The following ARID1B variants were observed in gnomAD, a reference collection of about 807,000 sequenced individuals.
ARID1B encodes AT-rich interaction domain 1B, also known as AT-rich interactive domain-containing protein 1B.
ARID1B carries 30 observed loss-of-function variants against 212.3 expected under a neutral mutation model. The ratio of observed to expected loss-of-function variants is 0.14; its 90% CI spans 0.11 to 0.19. The LOEUF is 0.19. Among genes scored for constraint, ARID1B ranks in the 10% least tolerant of loss-of-function variants. The pLI is 1.00. For synonymous variants in ARID1B, 1,402 were observed against 1,301.7 expected (o/e 1.08, Z -1.66); for missense variants, 2,891 against 3,204.0 (o/e 0.90, Z 2.36).
intron 1 of ARID1B, among the ~76,000 whole-genome samples, chr6:156,780,926 C>G (rs1017612405): frequency 2.0e-5 from 3 of 152,200 alleles, no homozygotes; most frequent in African/African-American, 7.2e-5. Flanking sequence ...AAAGTCTTCC[C>G]TTTACAAATT....
At chr6:156,822,287 TAATA>T (rs1782405693) in intron 1 of ARID1B, among the ~76,000 whole-genome samples, 1 of 152,252 alleles carries the variant, frequency 6.6e-6, no homozygotes, top group Admixed American at 6.5e-5. Context: ...GTTCAAGTCT[TAATA>T]AGCAGGCAGT....
At chr6:157,116,101 G>A (rs79157863) in intron 6 of ARID1B, among the ~76,000 whole-genome samples, 8,332 of 152,154 alleles carry the variant, frequency 0.055, 349 homozygotes, top group Non-Finnish European at 0.086. Context: ...AATAGGAAAC[G>A]GCTTATTAAT....
chr6:156,861,390 A>G (rs1410214240), intron 2 of ARID1B, among the ~76,000 whole-genome samples: 1 of 152,044 alleles, frequency 6.6e-6, no homozygotes, highest in African/African-American at 2.4e-5. Flanking sequence ...TGCTGGACAC[A>G]GGATTTCGAG....
intron 16 of ARID1B, among the ~76,000 whole-genome samples, chr6:157,197,925 C>T (rs148186845): frequency 2.0e-5 from 3 of 152,272 alleles, no homozygotes; most frequent in Admixed American, 6.5e-5. Flanking sequence ...CAAAAGTTCC[C>T]GTGTCTGTTT....
intron 5 of ARID1B, among the ~76,000 whole-genome samples, chr6:157,085,668 G>A (rs560969410): frequency 9.3e-4 from 141 of 151,578 alleles, no homozygotes; most frequent in Non-Finnish European, 1.6e-3. Flanking sequence ...ATGGGCGTTA[G>A]TTTTGGTGCT....
rs1778730664 is a variant in ARID1B at position 156,777,813 on chromosome 6, C to T, written c.133C>T (p.Arg45Cys). The T allele has an allele frequency of 1.0e-6, 1 of 991,324 alleles. No individual in the cohort carries two copies. The allele number at this position is 991,324 out of a possible 1,614,324, so 61.4% of individuals were successfully genotyped here. ...PGARDLEAGA[R>C]GAAAAAAAPG... ...AGCCCGGGACCTGGAGGCGGGGGCG[C>T]GCGGCGCGGCGGCGGCGGCGGCGGC... Residue 45 changes from arginine to cysteine, a missense_variant, in exon 1 of 20, where the codon CGC becomes TGC. Arg to Cys is a radical substitution (Grantham distance 180). Transcript: ENST00000636930.
At position 157,133,223 on chromosome 6, in the gene ARID1B, C is replaced by G; in HGVS notation, c.2761+16C>G. On this transcript the variant is annotated intron_variant, in intron 7 of 19. Transcript: ENST00000636930. ...GGACCACAAGGTAAAACCAAAGCTT[C>G]TCCAAAATGCATGGCAGCAAGTTGT... The G allele has an allele frequency of 6.4e-7, 1 of 1,569,834 alleles. No individual in the cohort carries two copies. Among genetic ancestry groups the G allele is most frequent in the Non-Finnish European group, 8.6e-7 (1 of 1,162,242 alleles).
chr6:157,047,844 T>C lies in ARID1B; in HGVS notation c.2248-36818T>C, dbSNP rs1306107446. Among the ~76,000 whole-genome samples, 3 of 152,336 alleles carry C rather than the reference T, an allele frequency of 2.0e-5. No individual in the cohort carries two copies. In the East Asian group the frequency reaches 5.8e-4, roughly 29 times the overall value. On this transcript the variant is annotated intron_variant, in intron 4 of 19. Transcript: ENST00000636930. Reference sequence around the variant, plus strand: ...TGCATATATTCTCTTATCCCCACCCTCAAACACCTGTTCATTTGGGACATG... The same window carrying C: ...TGCATATATTCTCTTATCCCCACCCCCAAACACCTGTTCATTTGGGACATG...
intron 6 of ARID1B, among the ~76,000 whole-genome samples, chr6:157,112,593 T>C (rs1787004652): frequency 6.6e-6 from 1 of 152,190 alleles, no homozygotes. Flanking sequence ...CCTTTATTAC[T>C]AAGAAGAAAA....
intron 1 of ARID1B, among the ~76,000 whole-genome samples, chr6:156,825,543 C>T (rs538093783): frequency 2.0e-4 from 31 of 152,294 alleles, no homozygotes; most frequent in Admixed American, 1.6e-3. Context: ...CAATTTTAGT[C>T]ACTGATAAGA....
intron 2 of ARID1B, among the ~76,000 whole-genome samples, chr6:156,832,586 G>A (rs919066258): frequency 5.3e-5 from 8 of 152,212 alleles, no homozygotes. Context: ...TGTAAATTGA[G>A]TTGCCCACTT....
chr6:156,983,309 C>G (rs1157286497), intron 4 of ARID1B, among the ~76,000 whole-genome samples: 1 of 151,482 alleles, frequency 6.6e-6, no homozygotes, highest in Non-Finnish European at 1.5e-5. Context: ...ACAGGAGAAT[C>G]GCTTGAACCC....
At chr6:156,912,752 T>C (rs1179508067) in intron 3 of ARID1B, among the ~76,000 whole-genome samples, 1 of 152,216 alleles carries the variant, frequency 6.6e-6, no homozygotes, top group Non-Finnish European at 1.5e-5. Context: ...AATCTCCTTG[T>C]TCCTCTGGAA....
chr6:156,871,757 G>T (rs1786153081), intron 2 of ARID1B: 1 of 1,340,800 alleles, frequency 7.5e-7, no homozygotes, highest in Non-Finnish European at 1.0e-6. Flanking sequence ...GCAGGAACAG[G>T]GGCTTCTTAG....
intron 2 of ARID1B, among the ~76,000 whole-genome samples, chr6:156,837,520 G>T (rs537680338): frequency 7.2e-5 from 11 of 152,154 alleles, no homozygotes; most frequent in African/African-American, 2.2e-4. Context: ...TTTTTCTAAA[G>T]GTAAAAAGTT....
chr6:157,100,746 CTGAGA>C (rs1417616249), intron 5 of ARID1B, among the ~76,000 whole-genome samples: 2 of 152,190 alleles, frequency 1.3e-5, no homozygotes, highest in African/African-American at 4.8e-5. Context: ...TTCTTACTAA[CTGAGA>C]TAAGATGTAC....
intron 3 of ARID1B, among the ~76,000 whole-genome samples, chr6:156,903,899 T>C (rs1467291553): frequency 6.6e-6 from 1 of 152,210 alleles, no homozygotes; most frequent in Non-Finnish European, 1.5e-5. Flanking sequence ...CTTGGTGTCT[T>C]GTTAATGCGA....
chr6:156,850,361 A>T (rs1413700477), intron 2 of ARID1B, among the ~76,000 whole-genome samples: 1 of 152,180 alleles, frequency 6.6e-6, no homozygotes, highest in Non-Finnish European at 1.5e-5. Flanking sequence ...TTGAATTCTC[A>T]CATGAAATTG....
At chr6:156,988,143 G>A (rs982561989) in intron 4 of ARID1B, among the ~76,000 whole-genome samples, 3 of 152,210 alleles carry the variant, frequency 2.0e-5, no homozygotes, top group Admixed American at 1.3e-4. Flanking sequence ...AGGGATTATT[G>A]TTCAAGGATT....
Sources: allele counts gnomAD v4.1 joint callset (sites outside exome capture counted in the v4.1 genomes callset), GRCh38; gene constraint gnomAD v4.1.1; transcripts MANE v1.5; gene names NCBI Gene and HGNC (gene_info 2026-07-23, HGNC 2026-07-21).